ARSB: variants seen among roughly 807,000 people sequenced by gnomAD.
ARSB encodes the protein N-acetylgalactosamine-4-sulfatase.
Under a neutral mutation model 50.9 loss-of-function variants are expected in ARSB, and 41 were observed. That is an observed-to-expected ratio of 0.81 (90% CI 0.63 to 1.04). The LOEUF (loss-of-function observed/expected upper bound fraction) is 1.04, where lower values mean the gene tolerates loss of function less well. ARSB is among the 50% of genes least tolerant of loss of function. ARSB has a pLI of 0.00. For synonymous variants in ARSB, 269 were observed against 284.8 expected, an observed-to-expected ratio of 0.94 and a Z score of 0.56; for missense variants, 672 against 693.3, an observed-to-expected ratio of 0.97 and a Z score of 0.35.
At chr5:78,924,738 TA>T (rs1239055843) in intron 4 of ARSB, among the ~76,000 whole-genome samples, 1 of 152,216 alleles carries the variant, frequency 6.6e-6, no homozygotes, top group Non-Finnish European at 1.5e-5. Context: ...ATGAGCAATA[TA>T]TGCCCAAAGC....
chr5:78,793,967 A>T (rs1240784194), intron 6 of ARSB, among the ~76,000 whole-genome samples: 1 of 152,154 alleles, frequency 6.6e-6, no homozygotes, highest in Non-Finnish European at 1.5e-5. Context: ...AAAGGAGAAT[A>T]GTGATCTGGG....
At chr5:78,848,003 A>C (rs1437457969) in intron 5 of ARSB, among the ~76,000 whole-genome samples, 1 of 151,636 alleles carries the variant, frequency 6.6e-6, no homozygotes, top group African/African-American at 2.4e-5. Context: ...TCAAAAACCA[A>C]CTTTTAATTT....
In ARSB at chr5:78,985,004, A is replaced by T. The variant is rs749465732; in HGVS notation, c.245T>A (p.Leu82Gln). 4 of 1,539,590 alleles carry T rather than the reference A, an allele frequency of 2.6e-6. No individual in the cohort carries two copies. The highest frequency in any genetic ancestry group is 3.5e-6 in the Non-Finnish European group (4 of 1,146,364). The change falls in exon 1 of 8, where the codon CTG becomes CAG. Residue 82 changes from leucine (L) to glutamine (Q), a missense_variant. Physicochemically the swap from Leu to Gln is moderately radical, Grantham distance 113. Coordinates refer to ENST00000264914, the MANE Select transcript of ARSB (RefSeq NM_000046.5). Reference protein sequence around the residue: ...LDALAAGGVLLDNYYTQPLCT... With the variant: ...LDALAAGGVLQDNYYTQPLCT... The stretch of plus-strand genomic sequence containing the variant: ...CAGCGGCTGCGTGTAGTAGTTGTCC[A>T]GGAGCACCCCGCCGGCCGCCAGCGC...
intron 4 of ARSB, among the ~76,000 whole-genome samples, chr5:78,927,777 G>A (rs904349529): frequency 3.3e-5 from 5 of 152,106 alleles, no homozygotes; most frequent in Non-Finnish European, 7.3e-5. Flanking sequence ...AACAGAACCT[G>A]TTATCTAAAT....
intron 7 of ARSB, 78 bp from the exon 8 acceptor site, chr5:78,780,740 C>T: frequency 6.5e-7 from 1 of 1,543,508 alleles, no homozygotes; most frequent in East Asian, 2.3e-5. Flanking sequence ...AGTCTGAGGC[C>T]AAGGCTGCAC....
chr5:78,935,855 A>G (rs2112408185), intron 4 of ARSB, among the ~76,000 whole-genome samples: 1 of 152,020 alleles, frequency 6.6e-6, no homozygotes, highest in South Asian at 2.1e-4. Context: ...GACTCAGGCC[A>G]TCTGCCTCCT....
At chr5:78,851,567 C>T (rs1385755694) in intron 5 of ARSB, among the ~76,000 whole-genome samples, 1 of 152,114 alleles carries the variant, frequency 6.6e-6, no homozygotes, top group Non-Finnish European at 1.5e-5. Context: ...CTGTAGATGT[C>T]TATTAGGTCC....
At chr5:78,945,107 G>A (rs1384999551) in intron 4 of ARSB, among the ~76,000 whole-genome samples, 9 of 152,310 alleles carry the variant, frequency 5.9e-5, no homozygotes, top group Non-Finnish European at 8.8e-5. Context: ...CTGGTGTGCC[G>A]TTTGCTAAGA....
chr5:78,965,084 G>T (rs1343194176), intron 2 of ARSB, among the ~76,000 whole-genome samples: 1 of 152,168 alleles, frequency 6.6e-6, no homozygotes, highest in Non-Finnish European at 1.5e-5. Context: ...GTCATCTTTA[G>T]TCAGATGCTG....
intron 4 of ARSB, among the ~76,000 whole-genome samples, chr5:78,896,837 T>C (rs1189225518): frequency 6.6e-6 from 1 of 152,124 alleles, no homozygotes; most frequent in Non-Finnish European, 1.5e-5. Flanking sequence ...TGTCCTGAAA[T>C]GGAATTTATA....
At chr5:78,843,185 G>A (rs977037652) in intron 5 of ARSB, among the ~76,000 whole-genome samples, 5 of 152,134 alleles carry the variant, frequency 3.3e-5, no homozygotes, top group African/African-American at 1.2e-4. Flanking sequence ...GAATCATCTG[G>A]GGAGCTTGTT....
intron 5 of ARSB, among the ~76,000 whole-genome samples, chr5:78,852,281 G>A (rs1669226398): frequency 6.6e-6 from 1 of 152,138 alleles, no homozygotes; most frequent in Non-Finnish European, 1.5e-5. Flanking sequence ...GCATTTGCTT[G>A]TCTGTATAGT....
chr5:78,900,046 T>C (rs1353746086), intron 4 of ARSB, among the ~76,000 whole-genome samples: 1 of 152,180 alleles, frequency 6.6e-6, no homozygotes, highest in Non-Finnish European at 1.5e-5. Flanking sequence ...ACTTTGGCTC[T>C]AGTAAACGGT....
At chr5:78,902,406 C>T (rs142877925) in intron 4 of ARSB, among the ~76,000 whole-genome samples, 18 of 152,242 alleles carry the variant, frequency 1.2e-4, no homozygotes, top group African/African-American at 2.9e-4. Context: ...TAGGTATATA[C>T]CCAAGAGAAG....
chr5:78,873,318 G>A (rs1295735916), intron 5 of ARSB, among the ~76,000 whole-genome samples: 1 of 151,454 alleles, frequency 6.6e-6, no homozygotes. Flanking sequence ...AGCGTGTAGA[G>A]AATAGAAATT....
chr5:78,937,269 T>TAC (rs1750647519), intron 4 of ARSB, among the ~76,000 whole-genome samples: 1 of 132,874 alleles, frequency 7.5e-6, no homozygotes, highest in South Asian at 2.3e-4. Context: ...ATATATATCT[T>TAC]ACATATATAT....
chr5:78,931,550 G>A (rs1750329008), intron 4 of ARSB, among the ~76,000 whole-genome samples: 1 of 152,138 alleles, frequency 6.6e-6, no homozygotes, highest in East Asian at 1.9e-4. Context: ...TGGAAGGGGA[G>A]GAGAACTTGA....
intron 3 of ARSB, among the ~76,000 whole-genome samples, chr5:78,958,435 GA>G (rs1045245936): frequency 2.9e-3 from 440 of 151,938 alleles, no homozygotes; most frequent in African/African-American, 9.9e-3. Context: ...AATGACCAGG[GA>G]AAAAAAGATT....
intron 6 of ARSB, among the ~76,000 whole-genome samples, chr5:78,833,276 G>A (rs1168821992): frequency 6.6e-6 from 1 of 152,076 alleles, no homozygotes; most frequent in Non-Finnish European, 1.5e-5. Flanking sequence ...AGCTTCAATG[G>A]TGCTATTCCC....
Sources: allele counts gnomAD v4.1 joint callset (sites outside exome capture counted in the v4.1 genomes callset), GRCh38; gene constraint gnomAD v4.1.1; transcripts MANE v1.5; gene names NCBI Gene and HGNC (gene_info 2026-07-23, HGNC 2026-07-21).